NEBL: variants seen among roughly 807,000 people sequenced by gnomAD.
NEBL encodes LIM and SH3 protein 2.
NEBL carries 122 observed loss-of-function variants against 140.2 expected under a neutral mutation model. That is an observed-to-expected ratio of 0.87 (90% confidence interval 0.75 to 1.01). NEBL has a LOEUF of 1.01. Ranked by LOEUF, NEBL falls within the 50% of genes least tolerant of loss-of-function variation. The pLI, the probability that NEBL is intolerant of heterozygous loss-of-function variation, is 0.00. For synonymous variants in NEBL, 436 were observed against 398.9 expected (o/e 1.09, Z -1.11); for missense variants, 1,365 against 1,231.3 (o/e 1.11, Z -1.62).
At chr10:21,162,091 T>C (rs1442651315) in intron 2 of NEBL, among the ~76,000 whole-genome samples, 1 of 152,128 alleles carries the variant, frequency 6.6e-6, no homozygotes, top group Admixed American at 6.5e-5. Flanking sequence ...GCCTACATAA[T>C]GAAACCCCAA....
intron 4 of NEBL, among the ~76,000 whole-genome samples, chr10:20,908,933 T>G (rs138948220): frequency 6.6e-6 from 1 of 152,328 alleles, no homozygotes; most frequent in East Asian, 1.9e-4. Flanking sequence ...TCAAACTTAT[T>G]TGTGCTACAC....
At chr10:20,882,929 A>G (rs548477505) in intron 4 of NEBL, among the ~76,000 whole-genome samples, 1 of 152,244 alleles carries the variant, frequency 6.6e-6, no homozygotes, top group Non-Finnish European at 1.5e-5. Flanking sequence ...AGCTGCGTCT[A>G]TGTGGCCTTA....
chr10:21,154,229 C>A (rs1840249955), intron 2 of NEBL, among the ~76,000 whole-genome samples: 2 of 151,884 alleles, frequency 1.3e-5, no homozygotes, highest in Non-Finnish European at 2.9e-5. Context: ...AAGGCCGAAG[C>A]AGGAAGATCA....
intron 4 of NEBL, among the ~76,000 whole-genome samples, chr10:20,938,493 C>G (rs549904302): frequency 6.6e-6 from 1 of 152,130 alleles, no homozygotes; most frequent in Non-Finnish European, 1.5e-5. Flanking sequence ...TGGGGAGACA[C>G]CAGAGCAGAA....
intron 2 of NEBL, among the ~76,000 whole-genome samples, chr10:21,053,122 C>A (rs910494318): frequency 6.6e-6 from 1 of 151,998 alleles, no homozygotes; most frequent in African/African-American, 2.4e-5. Context: ...TAAATATGTA[C>A]AAATATTATA....
chr10:20,930,449 T>C (rs1417402805), intron 4 of NEBL, among the ~76,000 whole-genome samples: 2 of 152,240 alleles, frequency 1.3e-5, no homozygotes, highest in African/African-American at 2.4e-5. Flanking sequence ...AAACCCATTT[T>C]TCCTAGACAT....
intron 1 of NEBL, among the ~76,000 whole-genome samples, chr10:21,286,488 G>A (rs139041770): frequency 4.6e-4 from 70 of 152,354 alleles, no homozygotes; most frequent in African/African-American, 1.6e-3. Context: ...GTATCACCGT[G>A]AGGTTGACAT....
Position 20,831,594 on chromosome 10 carries a change from TG to T in NEBL, c.1450-12del. 5 of 1,544,030 alleles carry T rather than the reference TG, an allele frequency of 3.2e-6. No individual in the cohort carries two copies. The highest frequency in any genetic ancestry group is 4.5e-6 in the Non-Finnish European group (5 of 1,117,356). On this transcript the variant is annotated splice_polypyrimidine_tract_variant and intron_variant, in intron 14 of 27. Coordinates refer to ENST00000377122, the MANE Select transcript of NEBL (RefSeq NM_006393.3). ...TCTTTTATAGTCTTTCTGCAGAAAA[TG>T]AAACATACAGTTAGTGCTCTCCAAT...
chr10:20,819,391 G>C, intron 20 of NEBL, 33 bp downstream of exon 20: 1 of 1,612,516 alleles, frequency 6.2e-7, no homozygotes, highest in Non-Finnish European at 8.5e-7. Context: ...TGTTATGTTT[G>C]AGAAAATATA....
chr10:21,017,467 T>C (rs531557107), intron 3 of NEBL, among the ~76,000 whole-genome samples: 1 of 152,282 alleles, frequency 6.6e-6, no homozygotes, highest in South Asian at 2.1e-4. Flanking sequence ...CCACAGATCT[T>C]TGGACATCTC....
chr10:20,833,437 T>C (rs1471682442), intron 14 of NEBL, among the ~76,000 whole-genome samples: 1 of 152,232 alleles, frequency 6.6e-6, no homozygotes, highest in Admixed American at 6.5e-5. Context: ...GCCTGTCATT[T>C]AGGCAAAATG....
intron 3 of NEBL, among the ~76,000 whole-genome samples, chr10:20,969,509 A>C (rs932673347): frequency 6.7e-6 from 1 of 150,084 alleles, no homozygotes; most frequent in African/African-American, 2.4e-5. Context: ...CTAAACAAAA[A>C]TGCTAAATAC....
intron 1 of NEBL, among the ~76,000 whole-genome samples, chr10:21,263,914 A>C (rs981971826): frequency 2.6e-5 from 4 of 152,160 alleles, no homozygotes; most frequent in African/African-American, 7.2e-5. Flanking sequence ...GCCGTGAGCC[A>C]AGATCACACC....
intron 26 of NEBL, among the ~76,000 whole-genome samples, chr10:20,788,089 A>C (rs537507197): frequency 1.4e-3 from 215 of 152,332 alleles, no homozygotes; most frequent in African/African-American, 5.0e-3. Context: ...GTTTTGAAGA[A>C]CTCGGAATTC....
intron 2 of NEBL, among the ~76,000 whole-genome samples, chr10:21,098,694 T>C (rs1213038520): frequency 1.3e-5 from 2 of 152,198 alleles, no homozygotes; most frequent in Non-Finnish European, 2.9e-5. Context: ...CACTCCTATA[T>C]ACATATGTAT....
At chr10:21,248,301 T>G (rs1471249850) in intron 2 of NEBL, among the ~76,000 whole-genome samples, 1 of 151,976 alleles carries the variant, frequency 6.6e-6, no homozygotes, top group East Asian at 1.9e-4. Context: ...AAAGCATCCT[T>G]CTATTGCTCA....
chr10:20,945,707 C>A (rs1049667540), intron 4 of NEBL, among the ~76,000 whole-genome samples: 7 of 152,290 alleles, frequency 4.6e-5, no homozygotes, highest in African/African-American at 1.4e-4. Flanking sequence ...ACACTAGCTT[C>A]CGTACCGACA....
chr10:20,892,800 G>A (rs1244938378), intron 2 of NEBL, among the ~76,000 whole-genome samples: 1 of 152,186 alleles, frequency 6.6e-6, no homozygotes, highest in Non-Finnish European at 1.5e-5. Flanking sequence ...GATGTTTGCG[G>A]ATCTTTCCTT....
chr10:20,886,338 C>A (rs1181082130), intron 4 of NEBL, among the ~76,000 whole-genome samples: 1 of 151,812 alleles, frequency 6.6e-6, no homozygotes, highest in Admixed American at 6.6e-5. Context: ...GCCTGGCCAA[C>A]ATGGCGAGAC....
Sources: gnomAD v4.1 joint callset for allele counts (sites outside exome capture counted in the v4.1 genomes callset) on GRCh38, gnomAD v4.1.1 for gene constraint, MANE v1.5 for transcripts, NCBI Gene and HGNC (gene_info 2026-07-23, HGNC 2026-07-21) for gene names.